MBD5: variants seen among roughly 807,000 people sequenced by gnomAD.
The protein encoded by MBD5 is methyl-CpG binding domain protein 5.
In MBD5, 13 loss-of-function variants were observed where a neutral mutation model predicts 117.3. The observed-to-expected ratio is 0.11, with a 90% CI of 0.07 to 0.18. The LOEUF (loss-of-function observed/expected upper bound fraction) is 0.18, where lower values mean the gene tolerates loss of function less well. Ranked by LOEUF, MBD5 falls within the 10% of genes least tolerant of loss-of-function variation. The pLI, the probability that MBD5 is intolerant of heterozygous loss-of-function variation, is 1.00. For missense variants in MBD5, 1,879 were observed against 2,093.8 expected, an observed-to-expected ratio of 0.90 and a Z score of 2.00; for synonymous variants, 727 against 766.4, an observed-to-expected ratio of 0.95 and a Z score of 0.85.
intron 3 of MBD5, among the ~76,000 whole-genome samples, chr2:148,339,265 T>C (rs1702877809): frequency 6.6e-6 from 1 of 152,198 alleles, no homozygotes; most frequent in African/African-American, 2.4e-5. Context: ...TCTAAAAAAA[T>C]CTTGTTTTTT....
At chr2:148,119,669 T>C (rs1226593315) in intron 1 of MBD5, among the ~76,000 whole-genome samples, 1 of 152,206 alleles carries the variant, frequency 6.6e-6, no homozygotes, top group African/African-American at 2.4e-5. Context: ...CATTTTGAGT[T>C]AATTTTTATG....
At chr2:148,199,759 CA>C (rs558804828) in intron 2 of MBD5, among the ~76,000 whole-genome samples, 48 of 135,816 alleles carry the variant, frequency 3.5e-4, no homozygotes, top group Non-Finnish European at 3.8e-4. Flanking sequence ...GACCCTGTCT[CA>C]AAAAAAAAAA....
chr2:148,154,759 C>A (rs567777251), intron 1 of MBD5, among the ~76,000 whole-genome samples: 2 of 152,314 alleles, frequency 1.3e-5, no homozygotes, highest in East Asian at 3.9e-4. Flanking sequence ...TTGCGCTTCC[C>A]AAGTGAGGCA....
chr2:148,033,884 T>A (rs1382590659), intron 1 of MBD5, among the ~76,000 whole-genome samples: 1 of 152,234 alleles, frequency 6.6e-6, no homozygotes, highest in East Asian at 1.9e-4. Context: ...TACTTATTTT[T>A]AAAACATTCC....
intron 1 of MBD5, among the ~76,000 whole-genome samples, chr2:148,158,862 G>T (rs1697934859): frequency 6.6e-6 from 1 of 152,224 alleles, no homozygotes; most frequent in Non-Finnish European, 1.5e-5. Flanking sequence ...TGGCGCTACA[G>T]GCGCCCGCCA....
chr2:148,112,975 AAAGT>A (rs372068904), intron 1 of MBD5, among the ~76,000 whole-genome samples: 1 of 152,206 alleles, frequency 6.6e-6, no homozygotes. Flanking sequence ...CTTGGGCAAC[AAAGT>A]AAGACCCTGT....
At chr2:148,151,519 A>G (rs1697666737) in intron 1 of MBD5, among the ~76,000 whole-genome samples, 1 of 152,216 alleles carries the variant, frequency 6.6e-6, no homozygotes, top group African/African-American at 2.4e-5. Flanking sequence ...AAGGAATGGT[A>G]CCAGCTCCTC....
At chr2:148,059,845 CAAA>C (rs953874046) in intron 1 of MBD5, among the ~76,000 whole-genome samples, 4 of 105,758 alleles carry the variant, frequency 3.8e-5, no homozygotes, top group Non-Finnish European at 6.0e-5. Flanking sequence ...GACTCCGTCT[CAAA>C]AAAAAAAAAA....
Position 148,057,984 on chromosome 2 carries a change from A to G in MBD5, c.-925+36300A>G, listed in dbSNP as rs576430357. Among the ~76,000 whole-genome samples the G allele has an allele frequency of 5.9e-5, 9 of 152,176 alleles. No homozygotes were observed. The East Asian group carries it at 1.2e-3, about 20-fold the overall frequency. On this transcript the variant is annotated intron_variant, in intron 1 of 13. Coordinates refer to ENST00000642680, the MANE Select transcript of MBD5 (RefSeq NM_001378120.1). ...TAAAGAACAGATATTAAAATCTTCA[A>G]TGTGATTCATAGTTTATTCCAGAAT... is the stretch of plus-strand genomic sequence containing the variant.
At chr2:148,058,458 A>G (rs1178075615) in intron 1 of MBD5, among the ~76,000 whole-genome samples, 1 of 152,002 alleles carries the variant, frequency 6.6e-6, no homozygotes, top group Admixed American at 6.6e-5. Context: ...AGTTTAGACC[A>G]TGGGTGGCTT....
chr2:148,507,272 T>A (rs1434228523), intron 12 of MBD5, among the ~76,000 whole-genome samples: 2 of 152,242 alleles, frequency 1.3e-5, no homozygotes, highest in African/African-American at 4.8e-5. Flanking sequence ...TTTTCATGGT[T>A]AGGTAAAAAT....
At chr2:148,133,669 A>G (rs1274821703) in intron 1 of MBD5, among the ~76,000 whole-genome samples, 2 of 152,092 alleles carry the variant, frequency 1.3e-5, no homozygotes, top group Non-Finnish European at 2.9e-5. Context: ...ACTAAATACA[A>G]AAAATTAGCC....
At chr2:148,426,967 C>T (rs1705812897) in intron 4 of MBD5, among the ~76,000 whole-genome samples, 1 of 152,116 alleles carries the variant, frequency 6.6e-6, no homozygotes, top group African/African-American at 2.4e-5. Context: ...AAAAAACAAA[C>T]AACCCCATCA....
At chr2:148,486,080 C>G (rs1312510327) in intron 10 of MBD5, 130 bp downstream of exon 10, 1 of 842,040 alleles carries the variant, frequency 1.2e-6, no homozygotes, top group Non-Finnish European at 2.0e-6. Context: ...ATTTCTCAGT[C>G]ATGAGTATTG....
intron 4 of MBD5, among the ~76,000 whole-genome samples, chr2:148,391,171 T>G (rs1485938032): frequency 1.3e-5 from 2 of 152,210 alleles, no homozygotes; most frequent in Non-Finnish European, 2.9e-5. Context: ...TCTGAATATT[T>G]TATTTAATCA....
intron 8 of MBD5, among the ~76,000 whole-genome samples, chr2:148,478,480 C>T (rs2105029956): frequency 6.6e-6 from 1 of 152,232 alleles, no homozygotes; most frequent in African/African-American, 2.4e-5. Flanking sequence ...ATCACTTGAA[C>T]CCAGGAGGCG....
chr2:148,036,830 A>G (rs2105638729), intron 1 of MBD5, among the ~76,000 whole-genome samples: 1 of 152,172 alleles, frequency 6.6e-6, no homozygotes, highest in Admixed American at 6.5e-5. Flanking sequence ...TTTAATTTTC[A>G]TATTAAAGAA....
chr2:148,481,501 T>G (rs879459381), intron 8 of MBD5, among the ~76,000 whole-genome samples: 3 of 152,218 alleles, frequency 2.0e-5, no homozygotes, highest in African/African-American at 2.4e-5. Flanking sequence ...GACACTGGTG[T>G]TGTTCATTAT....
intron 1 of MBD5, among the ~76,000 whole-genome samples, chr2:148,166,648 T>G (rs1201062238): frequency 6.6e-6 from 1 of 152,192 alleles, no homozygotes; most frequent in Non-Finnish European, 1.5e-5. Flanking sequence ...CATTTAATTC[T>G]TTAAGTATTT....
Sources: gnomAD v4.1 joint callset for allele counts (sites outside exome capture counted in the v4.1 genomes callset) on GRCh38, gnomAD v4.1.1 for gene constraint, MANE v1.5 for transcripts, NCBI Gene and HGNC (gene_info 2026-07-23, HGNC 2026-07-21) for gene names.